UBE3B: variants seen among roughly 807,000 people sequenced by gnomAD.
The protein encoded by UBE3B is ubiquitin-protein ligase E3B.
Under a neutral mutation model 132.3 loss-of-function variants are expected in UBE3B, and 80 were observed. That is an observed-to-expected ratio of 0.60 (90% confidence interval 0.50 to 0.73). The LOEUF is 0.73. Among genes scored for constraint, UBE3B ranks in the 30% least tolerant of loss-of-function variants. The pLI is 0.00. For synonymous variants in UBE3B, 487 were observed against 520.4 expected (o/e 0.94, Z 0.87); for missense variants, 1,196 against 1,362.5 (o/e 0.88, Z 1.92).
chr12:109,491,504 A>G (rs1877462316), intron 9 of UBE3B: 1 of 169,676 alleles, frequency 5.9e-6, no homozygotes, highest in African/African-American at 2.4e-5. Flanking sequence ...GATTAAGGAA[A>G]TAATGTGAAT....
At chr12:109,506,145 A>C (rs1879641673) in intron 14 of UBE3B, among the ~76,000 whole-genome samples, 1 of 152,172 alleles carries the variant, frequency 6.6e-6, no homozygotes, top group South Asian at 2.1e-4. Context: ...AGAGCATCCT[A>C]CCACAGTCAT....
chr12:109,498,842 T>G (rs77075866), intron 11 of UBE3B, among the ~76,000 whole-genome samples: 1 of 152,020 alleles, frequency 6.6e-6, no homozygotes, highest in African/African-American at 2.4e-5. Context: ...TTTTTTTTTT[T>G]GAAGACAGGG....
chr12:109,507,524 G>A, intron 14 of UBE3B, 40 bp from the exon 15 acceptor site: 1 of 1,592,712 alleles, frequency 6.3e-7, no homozygotes, highest in Non-Finnish European at 8.6e-7. Flanking sequence ...ACCAGGTGGA[G>A]TCTCCACCTG....
chr12:109,495,751 C>T (rs955033120), intron 9 of UBE3B, among the ~76,000 whole-genome samples: 9 of 152,238 alleles, frequency 5.9e-5, no homozygotes, highest in African/African-American at 2.2e-4. Context: ...GGCTAGTTAT[C>T]TGCAGCAGGA....
Position 109,498,213 on chromosome 12 carries a change from C to T in UBE3B, c.820-20C>T, listed in dbSNP as rs371427138. 2.2e-5 allele frequency: 35 copies of T among 1,612,634 alleles called. No homozygotes were observed. Among genetic ancestry groups the T allele is most frequent in the East Asian group, 1.6e-4 (7 of 44,870 alleles). ...CTGTTTCTGGCAGTTTCTGATTTAA[C>T]GGTCTGCTATTCTTTGCAGCGCCTC... is the stretch of plus-strand genomic sequence containing the variant. On this transcript the variant is annotated intron_variant, in intron 10 of 27. Coordinates refer to ENST00000342494, the MANE Select transcript of UBE3B (RefSeq NM_130466.4).
chr12:109,506,655 A>G (rs1174692383), intron 14 of UBE3B, among the ~76,000 whole-genome samples: 2 of 152,172 alleles, frequency 1.3e-5, no homozygotes, highest in Non-Finnish European at 2.9e-5. Flanking sequence ...CGGGCTGCCA[A>G]ATCTGTTTCT....
At chr12:109,528,256 C>G in intron 24 of UBE3B, 1 of 841,228 alleles carries the variant, frequency 1.2e-6, no homozygotes, top group Non-Finnish European at 1.4e-6. Context: ...TTCCCATACT[C>G]TCTTCTCTCG....
chr12:109,488,789 C>A lies in UBE3B; in HGVS notation c.544+121C>A, dbSNP rs751081044. 55 of 832,620 alleles carry A rather than the reference C, an allele frequency of 6.6e-5. No individual in the cohort carries two copies. In the Middle Eastern group the frequency reaches 8.3e-4, roughly 13 times the overall value. 51.6% of individuals were successfully genotyped at this position (832,620 alleles called of 1,614,324 possible). A position where few individuals can be genotyped will look rare whatever the true frequency, so the allele number is the denominator to read the frequency against. On this transcript the variant is annotated intron_variant, in intron 7 of 27. Coordinates refer to ENST00000342494, the MANE Select transcript of UBE3B (RefSeq NM_130466.4). ...CCTCAGGGAAGGCCCTGAGACCATA[C>A]AAATGAGGATGCCCTTGGTGCTGAC...
At position 109,534,774 on chromosome 12, in the gene UBE3B, C is replaced by T; in HGVS notation, c.3199C>T (p.Leu1067Phe). ...CATCAGCATGAACACGGGCTTTGAA[C>T]TCTCCTAGCTCCTGTCCCAGCCCTG... ...YAISMNTGFE[L>F]S The change falls in exon 28 of 28, where the codon CTC becomes TTC. Residue 1067 changes from leucine (L) to phenylalanine (F), a missense_variant. Physicochemically the swap from Leu to Phe is conservative, Grantham distance 22. Coordinates refer to ENST00000342494, the MANE Select transcript of UBE3B (RefSeq NM_130466.4). The surrounding 1 kb of genome is among the most constrained non-coding windows in gnomAD (Gnocchi z 5.2). 6.6e-7 allele frequency: 1 copy of T among 1,522,254 alleles called. No individual in the cohort carries two copies. The highest frequency in any genetic ancestry group is 8.8e-7 in the Non-Finnish European group (1 of 1,132,332). 94.3% of individuals were successfully genotyped at this position (1,522,254 alleles called of 1,614,324 possible). A position where few individuals can be genotyped will look rare whatever the true frequency, so the allele number is the denominator to read the frequency against.
chr12:109,525,033 G>A (rs997885915), intron 23 of UBE3B, among the ~76,000 whole-genome samples: 1 of 152,110 alleles, frequency 6.6e-6, no homozygotes, highest in African/African-American at 2.4e-5. Flanking sequence ...ATGAGGCTCT[G>A]GGAGTGCAGG....
Position 109,507,528 on chromosome 12 carries a change from C to T in UBE3B, c.1451-36C>T, listed in dbSNP as rs757461338. 2.7e-5 allele frequency: 43 copies of T among 1,596,644 alleles called. No individual in the cohort carries two copies. In the South Asian group the frequency reaches 4.5e-4, roughly 17 times the overall value. ...AGAAATAACAGACCAGGTGGAGTCT[C>T]CACCTGAAGCTTGGGTTTCTCTGTG... On this transcript the variant is annotated intron_variant, in intron 14 of 27. Transcript: ENST00000342494.
chr12:109,543,319 G>T, the UBE3B span, among the ~76,000 whole-genome samples: 4 of 152,236 alleles, frequency 2.6e-5, no homozygotes, highest in African/African-American at 9.6e-5. Flanking sequence ...CCTGTCACCA[G>T]GTGCCAGAAA....
intron 6 of UBE3B, 117 bp from the exon 7 acceptor site, chr12:109,488,453 TTA>T (rs1876878808): frequency 1.6e-5 from 15 of 913,646 alleles, no homozygotes; most frequent in Non-Finnish European, 2.7e-5. Flanking sequence ...TAAGACTGAC[TTA>T]TAATCCTGAC....
At chr12:109,485,881 G>T in intron 4 of UBE3B, 131 bp from the exon 5 acceptor site, 1 of 931,532 alleles carries the variant, frequency 1.1e-6, no homozygotes, top group Non-Finnish European at 1.6e-6. Context: ...GGAAGGAACT[G>T]CATGTGATTA....
At chr12:109,530,735 C>T in intron 26 of UBE3B, 77 bp downstream of exon 26, 2 of 1,374,574 alleles carry the variant, frequency 1.5e-6, no homozygotes, top group Non-Finnish European at 2.0e-6. Context: ...ATAATTTACG[C>T]TGAAGAAACT....
At chr12:109,516,172 T>C (rs1043882456) in intron 18 of UBE3B, among the ~76,000 whole-genome samples, 6 of 135,906 alleles carry the variant, frequency 4.4e-5, no homozygotes, top group African/African-American at 1.1e-4. Flanking sequence ...TTTTTCTTTT[T>C]TTTTTTTTTT....
intron 4 of UBE3B, among the ~76,000 whole-genome samples, chr12:109,484,598 G>T (rs1274112356): frequency 6.6e-6 from 1 of 152,108 alleles, no homozygotes; most frequent in Non-Finnish European, 1.5e-5. Flanking sequence ...CACCATGTTG[G>T]CCAGGATAGT....
intron 24 of UBE3B, 72 bp from the exon 25 acceptor site, chr12:109,529,818 C>A: frequency 6.4e-7 from 1 of 1,559,556 alleles, no homozygotes; most frequent in Non-Finnish European, 8.8e-7. Context: ...ACTAGACTGT[C>A]TTTCAGCCCA....
rs1877364145 is a variant in UBE3B at position 109,490,898 on chromosome 12, G to C, written c.631-147G>C. On this transcript the variant is annotated intron_variant, in intron 8 of 27. Coordinates refer to ENST00000342494, the MANE Select transcript of UBE3B (RefSeq NM_130466.4). Reference sequence around the variant, plus strand: ...AGGAATCTTCCTGCCTCAGCCTCCTGAGCTGGGACTGTAGGTACAAGCCAC... The same window carrying C: ...AGGAATCTTCCTGCCTCAGCCTCCTCAGCTGGGACTGTAGGTACAAGCCAC... The C allele has an allele frequency of 2.8e-6, 3 of 1,066,426 alleles. No homozygotes were observed. The South Asian group carries it at 5.5e-5, about 19-fold the overall frequency. The allele number at this position is 1,066,426 out of a possible 1,614,324, so 66.1% of individuals were successfully genotyped here. A position where few individuals can be genotyped will look rare whatever the true frequency, so the allele number is the denominator to read the frequency against.
Sources: gnomAD v4.1 joint callset for allele counts (sites outside exome capture counted in the v4.1 genomes callset) on GRCh38, gnomAD v4.1.1 for gene constraint, Gnocchi (gnomAD v3.1) non-coding constraint, MANE v1.5 for transcripts, NCBI Gene and HGNC (gene_info 2026-07-23, HGNC 2026-07-21) for gene names.